ZDHHC6: variants seen among roughly 807,000 people sequenced by gnomAD.
ZDHHC6 encodes the protein zDHHC palmitoyltransferase 6, also known as palmitoyltransferase ZDHHC6.
Under a neutral mutation model 57.8 loss-of-function variants are expected in ZDHHC6, and 32 were observed. The ratio of observed to expected loss-of-function variants is 0.55; its 90% CI spans 0.42 to 0.74. The LOEUF (loss-of-function observed/expected upper bound fraction) is 0.74, where lower values mean the gene tolerates loss of function less well. Ranked by LOEUF, ZDHHC6 falls within the 30% of genes least tolerant of loss-of-function variation. The pLI is 0.00. For missense variants in ZDHHC6, 433 were observed against 500.7 expected (o/e 0.86, Z 1.29); for synonymous variants, 128 against 158.0 (o/e 0.81, Z 1.42).
rs139087737 is a variant in ZDHHC6 at position 112,443,573 on chromosome 10, A to G, written c.301T>C (p.Cys101Arg). 4 of 1,613,600 alleles carry G rather than the reference A, an allele frequency of 2.5e-6. No homozygotes were observed. The highest frequency in any genetic ancestry group is 3.4e-6 in the Non-Finnish European group (4 of 1,179,814). Residue 101 changes from cysteine to arginine, a missense_variant, in exon 3 of 11, where the codon TGT becomes CGT. Transcript: ENST00000369405. ...ISQDTMYLQY[C>R]KVCQAYKAPR... is the part of the protein sequence containing the mutation. ...GCCTTGTATGCTTGGCAGACTTTAC[A>G]ATACTGGAGATACATGGTATCCTGA...
At chr10:112,425,240 A>G (rs1368714461) in exon 12 of ZDHHC6, 1 of 1,124,630 alleles carries the variant, frequency 8.9e-7, no homozygotes, top group Non-Finnish European at 1.2e-6. Flanking sequence ...TGGAGAAATC[A>G]GCTTTAGAGA....
chr10:112,434,184 A>G, intron 7 of ZDHHC6, 113 bp downstream of exon 7: 1 of 1,036,274 alleles, frequency 9.6e-7, no homozygotes, highest in East Asian at 2.6e-5. Flanking sequence ...ATTTTGACAT[A>G]GTGAAAACAT....
chr10:112,443,783 C>T (rs899087002), intron 2 of ZDHHC6, among the ~76,000 whole-genome samples, 177 bp from the exon 3 acceptor site: 1 of 152,152 alleles, frequency 6.6e-6, no homozygotes, highest in African/African-American at 2.4e-5. Flanking sequence ...AGAGCAGCAT[C>T]ACTTTCCCAA....
upstream of ZDHHC6, chr10:112,446,968 G>T (rs140282459): frequency 8.5e-6 from 2 of 234,826 alleles, no homozygotes; most frequent in Admixed American, 4.9e-5. Flanking sequence ...GAGGTTCGCC[G>T]CCTCAAACCT....
chr10:112,437,259 T>C (rs1845633057), intron 6 of ZDHHC6, among the ~76,000 whole-genome samples: 1 of 152,210 alleles, frequency 6.6e-6, no homozygotes, highest in Non-Finnish European at 1.5e-5. Context: ...GGATATTGTA[T>C]AATGAAAGGT....
At chr10:112,447,305 C>T, upstream of ZDHHC6, 3 of 1,532,152 alleles carry the variant, frequency 2.0e-6, no homozygotes, top group Non-Finnish European at 2.7e-6. Context: ...GCCGCGGGGC[C>T]CCTCGCTGCC....
chr10:112,445,181 CCA>C lies in ZDHHC6; in HGVS notation c.254_255del (p.Leu85ArgfsTer17), dbSNP rs1418885445. On this transcript the variant is annotated frameshift_variant, in exon 2 of 11. Transcript: ENST00000369405. LOFTEE classifies it high-confidence loss of function. Reference sequence around the variant, plus strand: ...AGAATCTTTCTTACCGGTTTCCACCCCAGAGGGACAAAGCCCGGACCGACAAA... The same window carrying C: ...AGAATCTTTCTTACCGGTTTCCACCCGAGGGACAAAGCCCGGACCGACAAA... ...AMFVGPGFVP[L>X]GWKPEISQDT... The C allele has an allele frequency of 3.7e-6, 6 of 1,612,482 alleles. No individual in the cohort carries two copies. In the Admixed American group the frequency reaches 8.3e-5, roughly 22 times the overall value.
At chr10:112,426,598 C>G, downstream of ZDHHC6, 1 of 626,106 alleles carries the variant, frequency 1.6e-6, no homozygotes, top group South Asian at 2.0e-5. Flanking sequence ...TCAGAGAAAA[C>G]TGTTAACACT....
chr10:112,436,750 A>G (rs1845570786), intron 6 of ZDHHC6, among the ~76,000 whole-genome samples: 1 of 152,240 alleles, frequency 6.6e-6, no homozygotes, highest in Non-Finnish European at 1.5e-5. Flanking sequence ...GTTGGTAGTC[A>G]TTATGAGCAA....
chr10:112,439,879 T>G (rs1041073547), intron 5 of ZDHHC6, among the ~76,000 whole-genome samples: 7 of 151,990 alleles, frequency 4.6e-5, no homozygotes, highest in African/African-American at 1.4e-4. Flanking sequence ...GAGTAGGCTT[T>G]AAATAGCATC....
chr10:112,445,333 G>A lies in ZDHHC6; in HGVS notation c.104C>T (p.Ser35Phe), dbSNP rs549556797. 3 of 1,614,078 alleles carry A rather than the reference G, an allele frequency of 1.9e-6. No individual in the cohort carries two copies. Among genetic ancestry groups the A allele is most frequent in the Non-Finnish European group, 2.5e-6 (3 of 1,180,052 alleles). The change falls in exon 2 of 11, where the codon TCT (serine) becomes TTT (phenylalanine). Residue 35 changes from serine (S) to phenylalanine (F), a missense_variant. Coordinates refer to ENST00000369405, the MANE Select transcript of ZDHHC6 (RefSeq NM_022494.3). ...CACAGAGTCAATCATGGCCATGGTA[G>A]AACATATTGCTATAACACCAAGGGC... ...IIALGVIAIC[S>F]TMAMIDSVLW...
At chr10:112,430,078 G>A (rs1220718433), downstream of ZDHHC6, among the ~76,000 whole-genome samples, 1 of 152,148 alleles carries the variant, frequency 6.6e-6, no homozygotes, top group Non-Finnish European at 1.5e-5. Flanking sequence ...TGCCTATCAC[G>A]GCTCCCCCTC....
intron 1 of ZDHHC6, among the ~76,000 whole-genome samples, chr10:112,445,875 T>C (rs536196150): frequency 7.3e-4 from 111 of 152,360 alleles, no homozygotes; most frequent in Non-Finnish European, 1.2e-3. Flanking sequence ...GATTCCAAAA[T>C]AGTTTTTTTT....
chr10:112,447,145 C>G, upstream of ZDHHC6: 3 of 525,064 alleles, frequency 5.7e-6, no homozygotes, highest in South Asian at 2.6e-5. Context: ...TGCGAACTTA[C>G]TTATCTTAAA....
chr10:112,433,172 A>G, intron 8 of ZDHHC6, 68 bp downstream of exon 8: 1 of 1,328,010 alleles, frequency 7.5e-7, no homozygotes, highest in South Asian at 1.6e-5. Context: ...AGTCAATTAA[A>G]AAAACTGTAT....
intron 7 of ZDHHC6, 57 bp downstream of exon 7, chr10:112,434,239 GA>G: frequency 6.9e-7 from 1 of 1,456,404 alleles, no homozygotes; most frequent in Non-Finnish European, 9.2e-7. Context: ...AGTTGAGGGG[GA>G]GTTAAGGGAA....
chr10:112,427,492 G>T, downstream of ZDHHC6: 1 of 781,012 alleles, frequency 1.3e-6, no homozygotes. Flanking sequence ...CATAGCTTTT[G>T]TTTTATATTG....
chr10:112,424,479 T>G (rs1844593522), exon 12 of ZDHHC6: 1 of 152,234 alleles, frequency 6.6e-6, no homozygotes, highest in African/African-American at 2.4e-5. Context: ...GCTAATATAT[T>G]TGTTTCTGTC....
chr10:112,441,127 G>C (rs1846083003), intron 4 of ZDHHC6, among the ~76,000 whole-genome samples: 1 of 152,212 alleles, frequency 6.6e-6, no homozygotes, highest in South Asian at 2.1e-4. Context: ...TTACAGGCGT[G>C]AGCCACTGAG....
Sources: gnomAD v4.1 joint callset for allele counts (sites outside exome capture counted in the v4.1 genomes callset) on GRCh38, gnomAD v4.1.1 for gene constraint, MANE v1.5 for transcripts, NCBI Gene and HGNC (gene_info 2026-07-23, HGNC 2026-07-21) for gene names.